Variants in PGBD5 observed in about 807,000 individuals in gnomAD.
The protein encoded by PGBD5 is piggyBac transposable element derived 5.
Under a neutral mutation model 47.9 loss-of-function variants are expected in PGBD5, and 14 were observed. That is an observed-to-expected ratio of 0.29 (90% CI 0.19 to 0.46). PGBD5 has a LOEUF of 0.46. PGBD5 is among the 20% of genes least tolerant of loss of function. PGBD5 has a pLI of 1.00. For missense variants in PGBD5, 635 were observed against 716.0 expected (o/e 0.89, Z 1.29); for synonymous variants, 316 against 306.3 (o/e 1.03, Z -0.33).
chr1:230,416,683 G>A (rs1161359823), intron 1 of PGBD5, among the ~76,000 whole-genome samples: 1 of 152,200 alleles, frequency 6.6e-6, no homozygotes, highest in African/African-American at 2.4e-5. Flanking sequence ...GACAATGGTA[G>A]GACGCGTGCT....
At chr1:230,392,088 G>GA (rs1656799420) in intron 1 of PGBD5, among the ~76,000 whole-genome samples, 1 of 152,206 alleles carries the variant, frequency 6.6e-6, no homozygotes, top group Non-Finnish European at 1.5e-5. Flanking sequence ...ATCTCCAAAC[G>GA]AAAATCCTAC....
At chr1:230,398,073 A>G (rs1657043563) in intron 1 of PGBD5, among the ~76,000 whole-genome samples, 1 of 152,104 alleles carries the variant, frequency 6.6e-6, no homozygotes, top group African/African-American at 2.4e-5. Context: ...GGACCCTGAA[A>G]CAGTCCCAGT....
intron 4 of PGBD5, among the ~76,000 whole-genome samples, chr1:230,335,090 TACACACACAG>T (rs1313743330): frequency 8.4e-6 from 1 of 119,150 alleles, no homozygotes; most frequent in South Asian, 2.8e-4. Context: ...CACACACAGG[TACACACACAG>T]ACACACACAG....
chr1:230,369,225 C>G (rs1292879552), intron 1 of PGBD5, among the ~76,000 whole-genome samples: 1 of 152,242 alleles, frequency 6.6e-6, no homozygotes, highest in Admixed American at 6.5e-5. Context: ...ACTTCCACCC[C>G]AGGACAGGAA....
intron 5 of PGBD5, among the ~76,000 whole-genome samples, chr1:230,327,706 G>A (rs1448527511): frequency 5.9e-5 from 9 of 152,242 alleles, no homozygotes; most frequent in Non-Finnish European, 1.2e-4. Flanking sequence ...GCGTTCTCCA[G>A]GGCTCAGCGC....
rs1242589534 is a variant in PGBD5 at position 230,335,132 on chromosome 1, CACAT to C, written c.1075+1972_1075+1975del. Among the ~76,000 whole-genome samples the C allele has an allele frequency of 1.9e-4, 27 of 142,604 alleles. No individual in the cohort carries two copies. In the South Asian group the frequency reaches 2.8e-3, roughly 15 times the overall value. The allele number at this position is 142,604 out of a possible 152,430, so 93.6% of individuals were successfully genotyped here. On this transcript the variant is annotated intron_variant, in intron 4 of 6. Coordinates refer to ENST00000391860, the MANE Select transcript of PGBD5 (RefSeq NM_001258311.2). ...ACAGATACACAGATACAGACACATA[CACAT>C]ACATACACAGGTACACATACAGACA... is the stretch of plus-strand genomic sequence containing the variant.
intron 4 of PGBD5, among the ~76,000 whole-genome samples, chr1:230,335,727 A>G: frequency 6.7e-6 from 1 of 149,546 alleles, no homozygotes; most frequent in Non-Finnish European, 1.5e-5. Context: ...ACATACAGAC[A>G]CACACAGACT....
chr1:230,400,406 C>T (rs1321831058), intron 1 of PGBD5, among the ~76,000 whole-genome samples: 1 of 151,850 alleles, frequency 6.6e-6, no homozygotes, highest in East Asian at 1.9e-4. Flanking sequence ...TTTAACATGC[C>T]ATCTGCTTAT....
At chr1:230,334,809 C>T (rs1667276926) in intron 4 of PGBD5, among the ~76,000 whole-genome samples, 1 of 152,140 alleles carries the variant, frequency 6.6e-6, no homozygotes, top group Non-Finnish European at 1.5e-5. Context: ...ACCTAACCTT[C>T]TCTTGAAAAA....
chr1:230,390,469 G>A (rs1656757192), intron 1 of PGBD5, among the ~76,000 whole-genome samples: 1 of 152,122 alleles, frequency 6.6e-6, no homozygotes, highest in African/African-American at 2.4e-5. Context: ...AACCAAATCA[G>A]CCTACATTTG....
intron 1 of PGBD5, among the ~76,000 whole-genome samples, chr1:230,399,076 TC>T (rs1657073314): frequency 6.6e-6 from 1 of 151,760 alleles, no homozygotes; most frequent in South Asian, 2.1e-4. Flanking sequence ...TGGCTAAGTG[TC>T]AGGTGCAGCT....
At chr1:230,382,630 A>C (rs1342750376) in intron 1 of PGBD5, among the ~76,000 whole-genome samples, 1 of 152,220 alleles carries the variant, frequency 6.6e-6, no homozygotes, top group Non-Finnish European at 1.5e-5. Context: ...AATCCTAGGT[A>C]AACTAGGGTG....
At chr1:230,330,718 G>A (rs1667200638) in intron 5 of PGBD5, among the ~76,000 whole-genome samples, 1 of 151,912 alleles carries the variant, frequency 6.6e-6, no homozygotes, top group East Asian at 1.9e-4. Flanking sequence ...GCTTTCTAGA[G>A]GTACTGGGGA....
chr1:230,399,497 C>T (rs1657082087), intron 1 of PGBD5, among the ~76,000 whole-genome samples: 1 of 152,188 alleles, frequency 6.6e-6, no homozygotes, highest in Non-Finnish European at 1.5e-5. Flanking sequence ...TCCCATGGGT[C>T]TGGTTACCCA....
chr1:230,323,342 C>T lies in PGBD5; in HGVS notation c.*83G>A, dbSNP rs1667066104. ...CAGCAAGCCACACACCAGGCCGTGTCCGGGTCTCTGATGGGCAAGTTGGAA... is the reference window on the plus strand; with the variant it reads ...CAGCAAGCCACACACCAGGCCGTGTTCGGGTCTCTGATGGGCAAGTTGGAA... On this transcript the variant is annotated 3_prime_UTR_variant, in exon 7 of 7. Transcript: ENST00000391860. The surrounding 1 kb of genome is among the most constrained non-coding windows in gnomAD (Gnocchi z 4.1). 6.6e-7 allele frequency: 1 copy of T among 1,507,688 alleles called. No homozygotes were observed. Among genetic ancestry groups the T allele is most frequent in the Non-Finnish European group, 8.9e-7 (1 of 1,117,598 alleles). 93.4% of individuals were successfully genotyped at this position (1,507,688 alleles called of 1,614,324 possible). A position where few individuals can be genotyped will look rare whatever the true frequency, so the allele number is the denominator to read the frequency against.
At chr1:230,396,797 A>T (rs1429787431) in intron 1 of PGBD5, among the ~76,000 whole-genome samples, 1 of 151,988 alleles carries the variant, frequency 6.6e-6, no homozygotes, top group Admixed American at 6.6e-5. Flanking sequence ...CTTGCATTTA[A>T]AACCGGAAGC....
intron 1 of PGBD5, among the ~76,000 whole-genome samples, chr1:230,396,559 G>GCCCCCCCCCCCCC (rs61206058): frequency 6.8e-5 from 8 of 117,562 alleles, no homozygotes; most frequent in African/African-American, 1.1e-4. Flanking sequence ...ACATTTTGTT[G>GCCCCCCCCCCCCC]CCCCCCCTCC....
At chr1:230,395,978 CCTCT>C (rs1656944515) in intron 1 of PGBD5, among the ~76,000 whole-genome samples, 1 of 130,108 alleles carries the variant, frequency 7.7e-6, no homozygotes. Flanking sequence ...ACCTCAAGCT[CCTCT>C]TTCTTTTGCT....
rs189144430 is a variant in PGBD5, at chr1:230,359,092, G to C, written c.332-1771C>G. The stretch of plus-strand genomic sequence containing the variant: ...CTTTTCTTTTTTTTTTTGAGATGGA[G>C]TCTCTGTCACCCAGGCTAGAGTGCA... On this transcript the variant is annotated intron_variant, in intron 1 of 6. Transcript: ENST00000391860. Among the ~76,000 whole-genome samples the C allele has an allele frequency of 2.1e-4, 32 of 151,358 alleles. No homozygotes were observed. The East Asian group carries it at 5.8e-3, about 28-fold the overall frequency.
Sources: gnomAD v4.1 joint callset for allele counts (sites outside exome capture counted in the v4.1 genomes callset) on GRCh38, gnomAD v4.1.1 for gene constraint, Gnocchi (gnomAD v3.1) non-coding constraint, MANE v1.5 for transcripts, NCBI Gene and HGNC (gene_info 2026-07-23, HGNC 2026-07-21) for gene names.